Variants in MAP4 observed in about 807,000 individuals in gnomAD.
The protein encoded by MAP4 is microtubule-associated protein 4.
MAP4 carries 76 observed loss-of-function variants against 170.2 expected under a neutral mutation model. The observed-to-expected ratio is 0.45, with a 90% CI of 0.37 to 0.54. MAP4 has a LOEUF of 0.54. Ranked by LOEUF, MAP4 falls within the 20% of genes least tolerant of loss-of-function variation. MAP4 has a pLI of 0.00. For synonymous variants in MAP4, 909 were observed against 994.5 expected, an observed-to-expected ratio of 0.91 and a Z score of 1.62; for missense variants, 2,506 against 2,748.0, an observed-to-expected ratio of 0.91 and a Z score of 1.97.
chr3:47,883,919 G>T (rs2097180132), intron 10 of MAP4, among the ~76,000 whole-genome samples: 1 of 151,920 alleles, frequency 6.6e-6, no homozygotes, highest in African/African-American at 2.4e-5. Context: ...TTTTTTTACA[G>T]ATTTTTGTCT....
intron 1 of MAP4, among the ~76,000 whole-genome samples, chr3:48,046,768 G>A (rs1482297375): frequency 6.6e-6 from 1 of 152,190 alleles, no homozygotes; most frequent in African/African-American, 2.4e-5. Context: ...GGCAAGGTAT[G>A]TAATCTCTCC....
At chr3:47,896,895 G>T (rs6442088) in intron 10 of MAP4, among the ~76,000 whole-genome samples, 14,642 of 152,154 alleles carry the variant, frequency 0.096, 2,365 homozygotes, top group African/African-American at 0.33. Flanking sequence ...GTACTGCAAA[G>T]ACACTAAAGT....
At chr3:47,958,669 C>A (rs1262133623) in intron 3 of MAP4, among the ~76,000 whole-genome samples, 1 of 149,808 alleles carries the variant, frequency 6.7e-6, no homozygotes, top group South Asian at 2.2e-4. Flanking sequence ...GGGGTGTGCA[C>A]CACACCCGGC....
intron 13 of MAP4, 105 bp from the exon 14 acceptor site, chr3:47,871,391 T>G: frequency 1.0e-6 from 1 of 968,646 alleles, no homozygotes; most frequent in Non-Finnish European, 1.6e-6. Context: ...GAATATCTAC[T>G]TTGAGCCAGG....
Position 48,076,163 on chromosome 3 carries a change from T to C in MAP4, c.-20+12610A>G, listed in dbSNP as rs531352942. 2.0e-5 allele frequency among the ~76,000 whole-genome samples: 3 copies of C among 151,616 alleles called. No homozygotes were observed. In the East Asian group the frequency reaches 5.9e-4, roughly 30 times the overall value. On this transcript the variant is annotated intron_variant, in intron 1 of 18. Transcript: ENST00000360240. ...TTGGGAGGCAAGGAAAGCGGATCACTTGAGCCCAGGAGTTCGAGATCAGCC... is the reference window on the plus strand; with the variant it reads ...TTGGGAGGCAAGGAAAGCGGATCACCTGAGCCCAGGAGTTCGAGATCAGCC...
chr3:48,050,766 A>G (rs571989264), intron 1 of MAP4, among the ~76,000 whole-genome samples: 1 of 151,840 alleles, frequency 6.6e-6, no homozygotes, highest in South Asian at 2.1e-4. Context: ...TTAGCTGGGC[A>G]TGGTGGCGCA....
chr3:47,972,620 C>T (rs1209077658), intron 3 of MAP4, among the ~76,000 whole-genome samples: 1 of 152,204 alleles, frequency 6.6e-6, no homozygotes, highest in Non-Finnish European at 1.5e-5. Flanking sequence ...GGCGCGGTGG[C>T]TCACGCCTGT....
At chr3:47,938,438 A>G (rs2100054321) in intron 3 of MAP4, among the ~76,000 whole-genome samples, 1 of 152,200 alleles carries the variant, frequency 6.6e-6, no homozygotes, top group Non-Finnish European at 1.5e-5. Context: ...TAGTGGCGCA[A>G]TCACAGCTCA....
intron 2 of MAP4, among the ~76,000 whole-genome samples, chr3:47,992,506 G>T (rs1035338454): frequency 6.6e-6 from 1 of 152,162 alleles, no homozygotes; most frequent in African/African-American, 2.4e-5. Flanking sequence ...GCTCACTGCA[G>T]CCTCGACCTC....
intron 1 of MAP4, among the ~76,000 whole-genome samples, chr3:48,074,466 G>GA (rs897093323): frequency 7.7e-5 from 9 of 116,522 alleles, no homozygotes; most frequent in Admixed American, 1.8e-4. Flanking sequence ...AATAATAAAA[G>GA]AAAAAAAAAC....
At chr3:47,996,370 A>T (rs191504560) in intron 2 of MAP4, among the ~76,000 whole-genome samples, 49 of 152,334 alleles carry the variant, frequency 3.2e-4, no homozygotes, top group Admixed American at 6.5e-5. Flanking sequence ...GCACAGGATT[A>T]AGCACAAAAT....
At chr3:47,972,414 TGTA>T (rs1244552842) in intron 3 of MAP4, among the ~76,000 whole-genome samples, 1 of 152,220 alleles carries the variant, frequency 6.6e-6, no homozygotes, top group Non-Finnish European at 1.5e-5. Flanking sequence ...AATTAATAAA[TGTA>T]GTATTAGAAA....
intron 3 of MAP4, among the ~76,000 whole-genome samples, chr3:47,968,379 G>C (rs2100076411): frequency 6.6e-6 from 1 of 152,168 alleles, no homozygotes; most frequent in African/African-American, 2.4e-5. Flanking sequence ...TATTGAAAGG[G>C]ATTGAAAGAA....
At chr3:47,878,322 A>T (rs184033535) in intron 10 of MAP4, among the ~76,000 whole-genome samples, 3 of 152,324 alleles carry the variant, frequency 2.0e-5, no homozygotes, top group Admixed American at 1.3e-4. Flanking sequence ...TCAAAAGGCA[A>T]ATGACAAACA....
chr3:48,055,202 CTCCGTCTCCG>C (rs2100130268), intron 1 of MAP4, among the ~76,000 whole-genome samples: 137 of 111,718 alleles, frequency 1.2e-3, no homozygotes, highest in African/African-American at 8.5e-3. Context: ...CCCTCTCCGT[CTCCGTCTCCG>C]TCTCCGTCTC....
chr3:47,867,367 C>A (rs1208617874), intron 16 of MAP4, 29 bp from the exon 17 acceptor site: 1 of 1,476,464 alleles, frequency 6.8e-7, no homozygotes, highest in Non-Finnish European at 9.5e-7. Context: ...GAAAAAACAA[C>A]ACAAAGGGAG....
In MAP4 at chr3:47,912,311, C is replaced by T; in HGVS notation, c.2110G>A (p.Gly704Arg). ...KPARVPPELL[G>R]GSPPWKTLDH... Reference sequence around the variant, plus strand: ...AGAGTCTTCCATGGAGGAGAGCCTCCCAGCAGCTCAGGAGGGACCCTGGCA... The same window carrying T: ...AGAGTCTTCCATGGAGGAGAGCCTCTCAGCAGCTCAGGAGGGACCCTGGCA... The change falls in exon 9 of 21, where the codon GGA becomes AGA. Residue 704 changes from glycine (G) to arginine (R), a missense_variant. Gly to Arg is a moderately radical substitution (Grantham distance 125, BLOSUM62 -2). Transcript: ENST00000683076. 1 of 1,536,132 alleles carries T rather than the reference C, an allele frequency of 6.5e-7. No homozygotes were observed. The highest frequency in any genetic ancestry group is 8.7e-7 in the Non-Finnish European group (1 of 1,146,910).
chr3:47,942,599 C>A (rs2100057203), intron 3 of MAP4, among the ~76,000 whole-genome samples: 1 of 151,998 alleles, frequency 6.6e-6, no homozygotes, highest in Non-Finnish European at 1.5e-5. Flanking sequence ...TTGCTTTTTT[C>A]ATGCACACAG....
chr3:48,083,851 C>T (rs543103721), intron 1 of MAP4, among the ~76,000 whole-genome samples: 25 of 150,950 alleles, frequency 1.7e-4, no homozygotes, highest in African/African-American at 3.9e-4. Context: ...CTCAGCCTCG[C>T]GAGTAGCTGG....
Sources: gnomAD v4.1 joint callset for allele counts (sites outside exome capture counted in the v4.1 genomes callset) on GRCh38, gnomAD v4.1.1 for gene constraint, MANE v1.5 for transcripts, NCBI Gene and HGNC (gene_info 2026-07-23, HGNC 2026-07-21) for gene names.